The following GSG1 variants were observed in gnomAD, a reference collection of about 807,000 sequenced individuals.
GSG1 encodes germ cell-specific gene 1 protein.
A neutral mutation model predicts 30.8 loss-of-function variants in GSG1; 28 were observed. The ratio of observed to expected loss-of-function variants is 0.91; its 90% confidence interval spans 0.67 to 1.25. GSG1 has a LOEUF of 1.25. Among genes scored for constraint, GSG1 ranks in the 50% most tolerant of loss-of-function variants. The probability of loss-of-function intolerance (pLI) is 0.00; values close to 1 mark genes in which losing one functional copy is unlikely to be tolerated. For synonymous variants in GSG1, 162 were observed against 178.0 expected (o/e 0.91, Z 0.71); for missense variants, 435 against 444.7 (o/e 0.98, Z 0.20).
chr12:13,099,698 A>C (rs927840124), intron 1 of GSG1, among the ~76,000 whole-genome samples: 12 of 149,330 alleles, frequency 8.0e-5, no homozygotes, highest in African/African-American at 2.5e-4. Flanking sequence ...TATATACCAC[A>C]CCACTTCTCT....
chr12:13,096,469 G>T (rs1866668562), intron 1 of GSG1, among the ~76,000 whole-genome samples: 1 of 119,118 alleles, frequency 8.4e-6, no homozygotes, highest in Non-Finnish European at 1.7e-5. Context: ...GTGAGACTCT[G>T]TCTCAAAAAA....
chr12:13,092,067 A>G (rs1866198304), intron 1 of GSG1, among the ~76,000 whole-genome samples: 1 of 152,214 alleles, frequency 6.6e-6, no homozygotes, highest in South Asian at 2.1e-4. Flanking sequence ...TGGGCATGAT[A>G]TGCAGCAATA....
rs569798860 is a variant in GSG1 at position 13,093,877 on chromosome 12, G to C, written c.49-3059C>G. ...AGCTAAAATATGACTGGTATTAGACGGCCAACTTTGCTGAGTGGTGGCTTG... is the reference window on the plus strand; with the variant it reads ...AGCTAAAATATGACTGGTATTAGACCGCCAACTTTGCTGAGTGGTGGCTTG... On this transcript the variant is annotated intron_variant, in intron 1 of 6. Coordinates refer to ENST00000651961, the MANE Select transcript of GSG1 (RefSeq NM_001080555.4). This position sits in a 1 kb window ranked among gnomAD's most constrained non-coding sequence, Gnocchi z 4.6. 6.6e-6 allele frequency among the ~76,000 whole-genome samples: 1 copy of C among 152,314 alleles called. No individual in the cohort carries two copies. Among genetic ancestry groups the C allele is most frequent in the East Asian group, 1.9e-4 (1 of 5,190 alleles).
intron 4 of GSG1, 108 bp downstream of exon 4, chr12:13,088,754 A>AGGGAG (rs746435025): frequency 1.3e-4 from 203 of 1,613,344 alleles, no homozygotes; most frequent in Middle Eastern, 7.1e-4. Flanking sequence ...CAAAGCCCCA[A>AGGGAG]GGGAGGGGAG....
At chr12:13,089,340 C>A (rs751183582) in intron 2 of GSG1, 64 bp from the exon 3 acceptor site, 1 of 1,547,892 alleles carries the variant, frequency 6.5e-7, no homozygotes, top group Non-Finnish European at 8.7e-7. Flanking sequence ...TCTTCCATCT[C>A]GCTTTTAGCT....
At position 13,090,504 on chromosome 12, in the gene GSG1, T is replaced by C. The variant is rs570774377; in HGVS notation, c.363A>G (p.Pro121=). The change falls in exon 2 of 7, where the codon CCA becomes CCG. Residue 121 remains proline, a splice_region_variant and synonymous_variant. Coordinates refer to ENST00000651961, the MANE Select transcript of GSG1 (RefSeq NM_001080555.4). The part of the protein sequence containing the change: ...WLSCEETVEE[P]ALLHPQSWKQ... ...CTTATATCCCAGAATGTAGGCTACC[T>C]GGTTCTTCCACAGTTTCCTCACAGG... The C allele has an allele frequency of 6.2e-6, 10 of 1,606,370 alleles. No individual in the cohort carries two copies. Among genetic ancestry groups the C allele is most frequent in the Middle Eastern group, 1.7e-4 (1 of 6,024 alleles).
At chr12:13,092,916 C>T (rs765287273) in intron 1 of GSG1, among the ~76,000 whole-genome samples, 4 of 151,782 alleles carry the variant, frequency 2.6e-5, no homozygotes, top group Middle Eastern at 3.2e-3. Context: ...CTCAGCCTCC[C>T]GAGTAGCTGG....
In GSG1 at chr12:13,089,258, G is replaced by T. The variant is rs1475723836; in HGVS notation, c.383C>A (p.Ser128Tyr). 3 of 1,557,172 alleles carry T rather than the reference G, an allele frequency of 1.9e-6. No individual in the cohort carries two copies. Among genetic ancestry groups the T allele is most frequent in the Admixed American group, 3.9e-5 (2 of 51,698 alleles). ...VEEPALLHPQ[S>Y]WKQFRALRSS... ...CCGAAGGGCTCTAAATTGTTTCCAG[G>T]ACTGGGGATGGAGCAGTGCTAAGTG... The change falls in exon 3 of 7, where the codon TCC becomes TAC. Residue 128 changes from serine to tyrosine, a missense_variant. Transcript: ENST00000651961.
rs1865541114 is a variant in GSG1 at position 13,086,538 on chromosome 12, A to G, written c.746+614T>C. 2.6e-5 allele frequency among the ~76,000 whole-genome samples: 4 copies of G among 152,192 alleles called. No individual in the cohort carries two copies. In the South Asian group the frequency reaches 8.3e-4, roughly 31 times the overall value. On this transcript the variant is annotated intron_variant, in intron 6 of 6. Coordinates refer to ENST00000651961, the MANE Select transcript of GSG1 (RefSeq NM_001080555.4). Reference sequence around the variant, plus strand: ...GAGAAAGTAAGAGCTCTCAAAGATAATATTTAACTTGAATGTGTTGCTTTG... The same window carrying G: ...GAGAAAGTAAGAGCTCTCAAAGATAGTATTTAACTTGAATGTGTTGCTTTG...
At chr12:13,096,102 C>T (rs557532327) in intron 1 of GSG1, among the ~76,000 whole-genome samples, 11 of 152,128 alleles carry the variant, frequency 7.2e-5, no homozygotes, top group African/African-American at 1.7e-4. Flanking sequence ...TCTGCAATGT[C>T]GGGGCCTCAT....
In GSG1 at chr12:13,098,456, A is replaced by ATTTTTTTTTTTTT. The variant is rs771887535; in HGVS notation, c.48+4996_48+5008dup. Among the ~76,000 whole-genome samples, 9 of 47,402 alleles carry ATTTTTTTTTTTTT rather than the reference A, an allele frequency of 1.9e-4. 2 individuals are homozygous for ATTTTTTTTTTTTT. The highest frequency in any genetic ancestry group is 3.1e-4 in the Non-Finnish European group (8 of 26,096). The allele number at this position is 47,402 out of a possible 152,430, so 31.1% of individuals were successfully genotyped here. A position where few individuals can be genotyped will look rare whatever the true frequency, so the allele number is the denominator to read the frequency against. On this transcript the variant is annotated intron_variant, in intron 1 of 6. Coordinates refer to ENST00000651961, the MANE Select transcript of GSG1 (RefSeq NM_001080555.4). ...CTTGTAGGATTGTTTCATGTAGCCC[A>ATTTTTTTTTTTTT]TTTTTTTTTTTTTTTTTTTTTTTTT... is the stretch of plus-strand genomic sequence containing the variant.
chr12:13,098,218 C>A (rs1862880703), intron 1 of GSG1, among the ~76,000 whole-genome samples: 1 of 151,294 alleles, frequency 6.6e-6, no homozygotes, highest in Non-Finnish European at 1.5e-5. Flanking sequence ...GTGGCGCTAT[C>A]TCCTCGTCGT....
intron 3 of GSG1, 98 bp downstream of exon 3, chr12:13,089,110 T>C: frequency 7.4e-7 from 1 of 1,354,072 alleles, no homozygotes; most frequent in Non-Finnish European, 1.0e-6. Flanking sequence ...CTTCAGTCTC[T>C]GATAATGCAG....
chr12:13,088,605 A>G lies in GSG1; in HGVS notation c.481+257T>C, dbSNP rs546841035. ...GTTTTTGCATTCCTGCATATGAATG[A>G]AAGTCAGCTCAAGGAGGAATTTGTG... On this transcript the variant is annotated intron_variant, in intron 4 of 6. Transcript: ENST00000651961. 38 of 770,176 alleles carry G rather than the reference A, an allele frequency of 4.9e-5. No homozygotes were observed. The South Asian group carries it at 6.7e-4, about 14-fold the overall frequency. 47.7% of individuals were successfully genotyped at this position (770,176 alleles called of 1,614,324 possible). A position where few individuals can be genotyped will look rare whatever the true frequency, so the allele number is the denominator to read the frequency against.
intron 1 of GSG1, among the ~76,000 whole-genome samples, chr12:13,100,469 T>C (rs1385093784): frequency 1.3e-5 from 2 of 152,230 alleles, no homozygotes; most frequent in Non-Finnish European, 2.9e-5. Flanking sequence ...GATGATCTCA[T>C]GAAATAGTAT....
At position 13,090,694 on chromosome 12, in the gene GSG1, A is replaced by G. The variant is rs376795470; in HGVS notation, c.173T>C (p.Val58Ala). 3.1e-6 allele frequency: 5 copies of G among 1,614,104 alleles called. No individual in the cohort carries two copies. The highest frequency in any genetic ancestry group is 4.2e-6 in the Non-Finnish European group (5 of 1,180,048). ...SNYWFVGTQKVPKPLCEKGLA... is the reference protein window; with the variant it reads ...SNYWFVGTQKAPKPLCEKGLA... ...ACCTTTCTCGCACAGGGGCTTGGGC[A>G]CCTTCTGTGTGCCCACAAACCAGTA... The change falls in exon 2 of 7, where the codon GTG (valine) becomes GCG (alanine). Residue 58 changes from valine (V) to alanine (A), a missense_variant. Coordinates refer to ENST00000651961, the MANE Select transcript of GSG1 (RefSeq NM_001080555.4).
chr12:13,090,470 C>G (rs1865977579), intron 2 of GSG1, 33 bp downstream of exon 2: 3 of 1,575,976 alleles, frequency 1.9e-6, no homozygotes, highest in Non-Finnish European at 2.6e-6. Flanking sequence ...CCGCCCTGAC[C>G]CCGTTGCTCT....
chr12:13,095,511 C>T (rs2291396), intron 1 of GSG1: 20 of 1,207,948 alleles, frequency 1.7e-5, no homozygotes, highest in Middle Eastern at 1.9e-4. Flanking sequence ...GACAACAGAT[C>T]GATGAGGCAG....
intron 1 of GSG1, among the ~76,000 whole-genome samples, chr12:13,099,750 GTTTTTTTT>G (rs57762367): frequency 1.7e-5 from 2 of 114,834 alleles, no homozygotes; most frequent in Non-Finnish European, 1.8e-5. Flanking sequence ...GTTTTTTTTT[GTTTTTTTT>G]TTTTTTTTTT....
Sources: gnomAD v4.1 joint callset for allele counts (sites outside exome capture counted in the v4.1 genomes callset) on GRCh38, gnomAD v4.1.1 for gene constraint, Gnocchi (gnomAD v3.1) non-coding constraint, MANE v1.5 for transcripts, NCBI Gene and HGNC (gene_info 2026-07-23, HGNC 2026-07-21) for gene names.